The following SV2C variants were observed in gnomAD, a reference collection of about 807,000 sequenced individuals.
The protein encoded by SV2C is solute carrier family 22 member B3.
A neutral mutation model predicts 79.7 loss-of-function variants in SV2C; 49 were observed. The ratio of observed to expected loss-of-function variants is 0.61; its 90% CI spans 0.49 to 0.78. The LOEUF (loss-of-function observed/expected upper bound fraction) is 0.78. Among genes scored for constraint, SV2C ranks in the 30% least tolerant of loss-of-function variants. The pLI is 0.00. For synonymous variants in SV2C, 334 were observed against 333.2 expected (o/e 1.00, Z -0.03); for missense variants, 833 against 912.9 (o/e 0.91, Z 1.13).
chr5:75,918,516 A>C, the SV2C span, among the ~76,000 whole-genome samples: 2 of 152,236 alleles, frequency 1.3e-5, no homozygotes, highest in Non-Finnish European at 2.9e-5. Context: ...AAATATGAGG[A>C]AGAACTTACT....
At chr5:76,230,317 T>C (rs899937349) in intron 4 of SV2C, among the ~76,000 whole-genome samples, 4 of 145,138 alleles carry the variant, frequency 2.8e-5, no homozygotes, top group African/African-American at 5.8e-5. Context: ...TAATTAACAA[T>C]GCAATTATTT....
chr5:76,235,853 T>C lies in SV2C; in HGVS notation c.913+25966T>C, dbSNP rs893753472. On this transcript the variant is annotated intron_variant, in intron 4 of 12. Transcript: ENST00000502798. ...TCTCCTACAGCTGAGCATGACTCTT[T>C]TTGCATCTAAATTGATTAAAATAGA... Among the ~76,000 whole-genome samples, 3 of 152,168 alleles carry C rather than the reference T, an allele frequency of 2.0e-5. No individual in the cohort carries two copies. The East Asian group carries it at 5.8e-4, about 29-fold the overall frequency.
chr5:76,169,073 G>T (rs1373526197), intron 2 of SV2C, among the ~76,000 whole-genome samples: 2 of 152,116 alleles, frequency 1.3e-5, no homozygotes, highest in African/African-American at 4.8e-5. Flanking sequence ...ACTACTCTGG[G>T]CATGAAAGAA....
the SV2C span, chr5:75,910,691 G>A: frequency 7.7e-6 from 10 of 1,297,350 alleles, no homozygotes; most frequent in East Asian, 2.4e-5. Flanking sequence ...GACTGCCAAG[G>A]CAGAGGAAGA....
the SV2C span, among the ~76,000 whole-genome samples, chr5:76,060,621 A>C: frequency 6.6e-6 from 1 of 152,064 alleles, no homozygotes; most frequent in Non-Finnish European, 1.5e-5. Context: ...TCTTAAGGCA[A>C]TGTTGTGGCT....
At chr5:75,879,369 C>G in the SV2C span, among the ~76,000 whole-genome samples, 1 of 152,132 alleles carries the variant, frequency 6.6e-6, no homozygotes, top group African/African-American at 2.4e-5. Context: ...AAAATCAAAA[C>G]AAGTTATTTC....
chr5:75,858,121 G>A, the SV2C span, among the ~76,000 whole-genome samples: 1 of 152,138 alleles, frequency 6.6e-6, no homozygotes, highest in African/African-American at 2.4e-5. Flanking sequence ...GATTGCTCTA[G>A]CTGGGATTCC....
Position 76,285,147 on chromosome 5 carries a change from GTCC to G in SV2C, c.914-10_914-8del. 2 of 1,613,678 alleles carry G rather than the reference GTCC, an allele frequency of 1.2e-6. No individual in the cohort carries two copies. Among genetic ancestry groups the G allele is most frequent in the Non-Finnish European group, 1.7e-6 (2 of 1,179,784 alleles). ...GGAGGAGCTCTCCCTCACTCTCCGT[GTCC>G]TCCTTTTCCAGGGTGGAGCTTCAGC... On this transcript the variant is annotated splice_polypyrimidine_tract_variant and intron_variant, in intron 4 of 12. Transcript: ENST00000502798.
chr5:76,238,065 CAT>C lies in SV2C; in HGVS notation c.913+28186_913+28187del, dbSNP rs1554042075. On this transcript the variant is annotated intron_variant, in intron 4 of 12. Transcript: ENST00000502798. ...ACACACACACACACACACACACACA[CAT>C]ATATATACCTCACCACCATTTTTTT... is the stretch of plus-strand genomic sequence containing the variant. Among the ~76,000 whole-genome samples the C allele has an allele frequency of 7.4e-3, 500 of 67,646 alleles. 5 individuals carry two copies. The highest frequency in any genetic ancestry group is 0.022 in the African/African-American group (485 of 22,466). The allele number at this position is 67,646 out of a possible 152,430, so 44.4% of individuals were successfully genotyped here.
At chr5:76,012,395 C>A in the SV2C span, among the ~76,000 whole-genome samples, 3 of 152,168 alleles carry the variant, frequency 2.0e-5, no homozygotes, top group Non-Finnish European at 2.9e-5. Flanking sequence ...TTGTTGGCCA[C>A]ACAAATGTCT....
intron 4 of SV2C, among the ~76,000 whole-genome samples, chr5:76,227,153 T>C (rs1365365347): frequency 7.8e-6 from 1 of 127,618 alleles, no homozygotes; most frequent in Non-Finnish European, 1.7e-5. Context: ...TTCAGAAACA[T>C]TATCTCATGA....
the SV2C span, among the ~76,000 whole-genome samples, chr5:76,019,403 A>G: frequency 6.6e-6 from 1 of 152,138 alleles, no homozygotes; most frequent in Non-Finnish European, 1.5e-5. Flanking sequence ...CCTCCTTTTG[A>G]GAAGAGGAGT....
chr5:76,319,276 G>A (rs375275772), intron 12 of SV2C, among the ~76,000 whole-genome samples: 123 of 151,640 alleles, frequency 8.1e-4, no homozygotes, highest in African/African-American at 2.7e-3. Flanking sequence ...AAAATTGCCC[G>A]TGTGCGGCAG....
At chr5:75,960,333 T>G in the SV2C span, among the ~76,000 whole-genome samples, 1 of 152,020 alleles carries the variant, frequency 6.6e-6, no homozygotes, top group Non-Finnish European at 1.5e-5. Flanking sequence ...CACCACATAA[T>G]GATGTTTCTA....
chr5:76,295,318 A>G (rs998725139), intron 8 of SV2C, among the ~76,000 whole-genome samples: 6 of 152,118 alleles, frequency 3.9e-5, no homozygotes, highest in African/African-American at 1.2e-4. Flanking sequence ...GGAAAAAGTG[A>G]GAGAGGCAGC....
the SV2C span, chr5:75,911,248 G>A: frequency 6.6e-7 from 1 of 1,519,430 alleles, no homozygotes; most frequent in African/African-American, 1.4e-5. Context: ...CAAGTCCCAG[G>A]AGGAAGTTCT....
At chr5:76,061,268 T>TAAAAAAAAAAAAAAAAAAAAA in the SV2C span, among the ~76,000 whole-genome samples, 1 of 51,616 alleles carries the variant, frequency 1.9e-5, no homozygotes. Context: ...CTTCAATTTG[T>TAAAAAAAAAAAAAAAAAAAAA]AAAAAAAAAA....
the SV2C span, among the ~76,000 whole-genome samples, chr5:76,024,226 T>C: frequency 6.6e-6 from 1 of 152,176 alleles, no homozygotes; most frequent in African/African-American, 2.4e-5. Flanking sequence ...TTAGCTTACC[T>C]TCCTAACAGC....
chr5:75,861,081 A>G, the SV2C span, among the ~76,000 whole-genome samples: 2 of 152,226 alleles, frequency 1.3e-5, no homozygotes, highest in African/African-American at 2.4e-5. Context: ...TATGCATCTG[A>G]CAAAGATATA....
Sources: gnomAD v4.1 joint callset for allele counts (sites outside exome capture counted in the v4.1 genomes callset) on GRCh38, gnomAD v4.1.1 for gene constraint, MANE v1.5 for transcripts, NCBI Gene and HGNC (gene_info 2026-07-23, HGNC 2026-07-21) for gene names.